Variants in ATP2B2 observed in about 807,000 individuals in gnomAD.
The protein encoded by ATP2B2 is ATPase plasma membrane Ca2+ transporting 2.
Under a neutral mutation model 120.0 loss-of-function variants are expected in ATP2B2, and 15 were observed. That is an observed-to-expected ratio of 0.12 (90% confidence interval 0.08 to 0.19). The LOEUF is 0.19. Among genes scored for constraint, ATP2B2 ranks in the 10% least tolerant of loss-of-function variants. The probability of loss-of-function intolerance (pLI) is 1.00; values close to 1 mark genes in which losing one functional copy is unlikely to be tolerated. For missense variants in ATP2B2, 1,045 were observed against 1,719.8 expected (o/e 0.61, Z 6.94); for synonymous variants, 694 against 700.3 (o/e 0.99, Z 0.14).
chr3:10,491,564 C>T (rs2065937503), intron 1 of ATP2B2, among the ~76,000 whole-genome samples: 1 of 152,106 alleles, frequency 6.6e-6, no homozygotes, highest in Non-Finnish European at 1.5e-5. Flanking sequence ...TAGCGGGTAT[C>T]CTACAGCTGG....
chr3:10,581,289 G>C (rs1437643392), intron 2 of ATP2B2, among the ~76,000 whole-genome samples: 2 of 152,264 alleles, frequency 1.3e-5, no homozygotes, highest in Non-Finnish European at 2.9e-5. Flanking sequence ...GAGGGTAAAT[G>C]GGGCCAGAGG....
chr3:10,337,339 T>C (rs867248607), intron 22 of ATP2B2, among the ~76,000 whole-genome samples: 1 of 152,128 alleles, frequency 6.6e-6, no homozygotes, highest in South Asian at 2.1e-4. Context: ...CGCCCAAGCA[T>C]GCTGGGGCAT....
At chr3:10,456,052 T>TA (rs553708079) in intron 1 of ATP2B2, among the ~76,000 whole-genome samples, 132 of 152,068 alleles carry the variant, frequency 8.7e-4, no homozygotes, top group African/African-American at 3.1e-3. Context: ...GGTGCCTTAA[T>TA]AAAAAGTCTT....
Position 10,328,664 on chromosome 3 carries a change from G to T in ATP2B2, c.*150C>A. On this transcript the variant is annotated 3_prime_UTR_variant, in exon 23 of 23. Transcript: ENST00000360273. ...ATCGCAGCCAGAGAAAGGGTCTGTG[G>T]GTGGAAACGTTGGTTTTCTCTCCAG... The T allele has an allele frequency of 2.6e-6, 2 of 764,764 alleles. No individual in the cohort carries two copies. Among genetic ancestry groups the T allele is most frequent in the Non-Finnish European group, 4.1e-6 (2 of 485,488 alleles). 47.4% of individuals were successfully genotyped at this position (764,764 alleles called of 1,614,324 possible). A position where few individuals can be genotyped will look rare whatever the true frequency, so the allele number is the denominator to read the frequency against.
At chr3:10,648,135 C>T (rs372105206) in intron 1 of ATP2B2, among the ~76,000 whole-genome samples, 64 of 152,188 alleles carry the variant, frequency 4.2e-4, no homozygotes, top group African/African-American at 1.2e-3. Flanking sequence ...TGAGGGTTGC[C>T]GGCTGTCCCC....
intron 1 of ATP2B2, among the ~76,000 whole-genome samples, chr3:10,622,044 C>A (rs1037297748): frequency 2.6e-5 from 4 of 152,212 alleles, no homozygotes; most frequent in African/African-American, 9.6e-5. Flanking sequence ...TTCCTGATGT[C>A]TCCCTGATGC....
intron 1 of ATP2B2, among the ~76,000 whole-genome samples, chr3:10,501,949 T>C (rs1022983247): frequency 1.1e-4 from 16 of 152,168 alleles, no homozygotes; most frequent in African/African-American, 3.9e-4. Flanking sequence ...TCCTGATTCA[T>C]CAAGGTAGGG....
At chr3:10,692,032 T>C (rs1420792116) in intron 1 of ATP2B2, among the ~76,000 whole-genome samples, 1 of 152,236 alleles carries the variant, frequency 6.6e-6, no homozygotes, top group Non-Finnish European at 1.5e-5. Context: ...ACTCATGAGA[T>C]TCCAACTTTA....
chr3:10,470,321 G>C (rs2064930517), intron 1 of ATP2B2, among the ~76,000 whole-genome samples: 1 of 152,090 alleles, frequency 6.6e-6, no homozygotes, highest in Admixed American at 6.5e-5. Flanking sequence ...TATATAGATG[G>C]GGAAACTGAG....
intron 2 of ATP2B2, among the ~76,000 whole-genome samples, chr3:10,553,839 C>T (rs566963518): frequency 1.3e-5 from 2 of 152,228 alleles, no homozygotes; most frequent in East Asian, 3.9e-4. Flanking sequence ...TGGGTGGTTG[C>T]TAAGCGGCCC....
intron 3 of ATP2B2, among the ~76,000 whole-genome samples, chr3:10,523,467 A>T (rs1269482537): frequency 6.6e-6 from 1 of 152,178 alleles, no homozygotes; most frequent in African/African-American, 2.4e-5. Flanking sequence ...CCTAGCCCTC[A>T]TTGCTCATGG....
At chr3:10,460,709 A>G (rs1271485156) in intron 1 of ATP2B2, among the ~76,000 whole-genome samples, 1 of 152,236 alleles carries the variant, frequency 6.6e-6, no homozygotes, top group Non-Finnish European at 1.5e-5. Flanking sequence ...GGGTCACTGA[A>G]GTGCATGCAC....
intron 3 of ATP2B2, among the ~76,000 whole-genome samples, chr3:10,523,514 G>A (rs1372130086): frequency 6.6e-6 from 1 of 152,202 alleles, no homozygotes; most frequent in Non-Finnish European, 1.5e-5. Context: ...CTGGGCCAGG[G>A]CTAGAAGTGA....
chr3:10,667,311 A>G (rs759198304), intron 1 of ATP2B2, among the ~76,000 whole-genome samples: 23 of 152,164 alleles, frequency 1.5e-4, no homozygotes, highest in Non-Finnish European at 1.6e-4. Context: ...GTGGTGGGGA[A>G]TTTCAGCCTG....
intron 1 of ATP2B2, among the ~76,000 whole-genome samples, chr3:10,495,418 G>A (rs1041951136): frequency 3.9e-5 from 6 of 152,220 alleles, no homozygotes; most frequent in Non-Finnish European, 8.8e-5. Context: ...ACATCTCTGA[G>A]ACCATGTTGC....
intron 1 of ATP2B2, among the ~76,000 whole-genome samples, chr3:10,483,256 C>T (rs552986190): frequency 2.6e-5 from 4 of 152,210 alleles, no homozygotes; most frequent in African/African-American, 4.8e-5. Context: ...TTACAGATGA[C>T]GAGGCTGTAC....
At chr3:10,618,652 G>A (rs1045204254) in intron 2 of ATP2B2, among the ~76,000 whole-genome samples, 5 of 151,990 alleles carry the variant, frequency 3.3e-5, no homozygotes, top group African/African-American at 9.7e-5. Flanking sequence ...AGGTACCCAC[G>A]CCCCAGCTCC....
At chr3:10,676,127 G>A (rs2071236508) in intron 1 of ATP2B2, among the ~76,000 whole-genome samples, 1 of 152,202 alleles carries the variant, frequency 6.6e-6, no homozygotes, top group South Asian at 2.1e-4. Flanking sequence ...GGATCTGGCA[G>A]TTTCTAAGAT....
intron 1 of ATP2B2, among the ~76,000 whole-genome samples, chr3:10,479,568 AC>A (rs2065327563): frequency 6.6e-6 from 1 of 152,038 alleles, no homozygotes; most frequent in South Asian, 2.1e-4. Flanking sequence ...AACCCTTATC[AC>A]CACCTCCTAG....
Sources: gnomAD v4.1 joint callset for allele counts (sites outside exome capture counted in the v4.1 genomes callset) on GRCh38, gnomAD v4.1.1 for gene constraint, MANE v1.5 for transcripts, NCBI Gene and HGNC (gene_info 2026-07-23, HGNC 2026-07-21) for gene names.